ZNF556: variants seen among roughly 807,000 people sequenced by gnomAD.
The protein encoded by ZNF556 is zinc finger protein 556.
Under a neutral mutation model 13.6 loss-of-function variants are expected in ZNF556, and 11 were observed. That is an observed-to-expected ratio of 0.81 (90% CI 0.51 to 1.33). ZNF556 has a LOEUF of 1.33. ZNF556 is among the 40% of genes most tolerant of loss of function. ZNF556 has a pLI of 0.00. For missense variants in ZNF556, 633 were observed against 566.2 expected, an observed-to-expected ratio of 1.12 and a Z score of -1.20; for synonymous variants, 229 against 207.8, an observed-to-expected ratio of 1.10 and a Z score of -0.88.
intron 1 of ZNF556, among the ~76,000 whole-genome samples, chr19:2,872,662 G>A (rs2087813647): frequency 1.3e-5 from 2 of 151,960 alleles, no homozygotes. Flanking sequence ...GCACCTGGGT[G>A]GCTTGCTGCC....
intron 1 of ZNF556, 47 bp from the exon 2 acceptor site, chr19:2,873,449 T>C (rs1409414382): frequency 6.2e-7 from 1 of 1,605,866 alleles, no homozygotes. Context: ...TCCGCAGTGC[T>C]GTGAGTTTTA....
intron 1 of ZNF556, among the ~76,000 whole-genome samples, chr19:2,868,279 G>A (rs1054490779): frequency 6.6e-6 from 1 of 151,984 alleles, no homozygotes. Flanking sequence ...GACACGCCCC[G>A]AAATGAATAC....
intron 1 of ZNF556, among the ~76,000 whole-genome samples, chr19:2,872,181 T>C (rs1736197): frequency 0.66 from 100,048 of 150,608 alleles, 34,883 homozygotes; most frequent in African/African-American, 0.89. Flanking sequence ...GCCTGACTGA[T>C]GTCAGGCCCT....
chr19:2,873,749 T>C (rs1000433434), intron 2 of ZNF556, 127 bp downstream of exon 2: 17 of 1,159,658 alleles, frequency 1.5e-5, no homozygotes, highest in Middle Eastern at 3.0e-4. Context: ...AGGCTAGGAG[T>C]TGACAACCAG....
rs181457880 is a variant in ZNF556, at chr19:2,869,657, G to A, written c.3+2233G>A. On this transcript the variant is annotated intron_variant, in intron 1 of 3. Transcript: ENST00000307635. ...CTGGGATTAACAGGCGTGAGCCACC[G>A]CGCCCGGCCTAGATCTCCTCTTATG... Among the ~76,000 whole-genome samples, 1,104 of 152,228 alleles carry A rather than the reference G, an allele frequency of 7.3e-3. 15 individuals carry two copies. Among genetic ancestry groups the A allele is most frequent in the African/African-American group, 0.026 (1,063 of 41,550 alleles).
chr19:2,877,573 T>C lies in ZNF556; in HGVS notation c.615T>C (p.Cys205=), dbSNP rs2087865292. 10 of 1,614,052 alleles carry C rather than the reference T, an allele frequency of 6.2e-6. No individual in the cohort carries two copies. Among genetic ancestry groups the C allele is most frequent in the Non-Finnish European group, 8.5e-6 (10 of 1,180,044 alleles). Residue 205 remains cysteine, a synonymous_variant, in exon 4 of 4, where the codon TGT becomes TGC. Transcript: ENST00000307635. The part of the protein sequence containing the change: ...KTHSGEKPYA[C]QSCGKTFLRS... Reference sequence around the variant, plus strand: ...ACAGTGGAGAGAAACCCTATGCCTGTCAATCTTGCGGGAAGACATTTCTTC... The same window carrying C: ...ACAGTGGAGAGAAACCCTATGCCTGCCAATCTTGCGGGAAGACATTTCTTC...
At position 2,878,025 on chromosome 19, in the gene ZNF556, G is replaced by T. The variant is rs746710684; in HGVS notation, c.1067G>T (p.Arg356Leu). 1.2e-6 allele frequency: 2 copies of T among 1,613,874 alleles called. No homozygotes were observed. The highest frequency in any genetic ancestry group is 1.7e-6 in the Non-Finnish European group (2 of 1,179,962). Residue 356 changes from arginine (R) to leucine (L), a missense_variant, in exon 4 of 4, where the codon CGC becomes CTC. Coordinates refer to ENST00000307635, the MANE Select transcript of ZNF556 (RefSeq NM_024967.3). Reference protein sequence around the residue: ...GSVGKSSARPRPSTDVKSQTR... With the variant: ...GSVGKSSARPLPSTDVKSQTR... Reference sequence around the variant, plus strand: ...GTGGGAAAGTCTTCCGCGAGGCCTCGCCCCTCCACAGATGTCAAATCACAA... The same window carrying T: ...GTGGGAAAGTCTTCCGCGAGGCCTCTCCCCTCCACAGATGTCAAATCACAA...
chr19:2,868,031 A>C (rs187440501), intron 1 of ZNF556, among the ~76,000 whole-genome samples: 121 of 152,364 alleles, frequency 7.9e-4, no homozygotes, highest in African/African-American at 2.7e-3. Flanking sequence ...AAATATTTCC[A>C]AGGAGGTGAA....
rs1041796992 is a variant in ZNF556 at position 2,879,893 on chromosome 19, G to T, written c.*1564G>T. On this transcript the variant is annotated 3_prime_UTR_variant, in exon 4 of 4. Coordinates refer to ENST00000307635, the MANE Select transcript of ZNF556 (RefSeq NM_024967.3). ...AAAATACAAAAAATTAGCCAGGTGT[G>T]GTGGCGGGCGCCTGTAGTCCCAGCT... 1 of 152,004 alleles carries T rather than the reference G, an allele frequency of 6.6e-6. No homozygotes were observed. The highest frequency in any genetic ancestry group is 2.4e-5 in the African/African-American group (1 of 41,398). 9.4% of individuals were successfully genotyped at this position (152,004 alleles called of 1,614,324 possible).
rs578134338 is a variant in ZNF556, at chr19:2,874,226, T to C, written c.130+604T>C. On this transcript the variant is annotated intron_variant, in intron 2 of 3. Transcript: ENST00000307635. ...GAGCCAAGATCATGCCACTGCACTC[T>C]AGCCTGGGCCATAGAGTGAGACTCC... 2.8e-4 allele frequency among the ~76,000 whole-genome samples: 43 copies of C among 152,114 alleles called. No individual in the cohort carries two copies. The South Asian group carries it at 8.5e-3, about 30-fold the overall frequency.
chr19:2,876,576 G>C (rs940368838), intron 3 of ZNF556, among the ~76,000 whole-genome samples: 2 of 151,784 alleles, frequency 1.3e-5, no homozygotes, highest in Non-Finnish European at 2.9e-5. Context: ...AAAAATAGGC[G>C]TGGTGGCATG....
Position 2,880,262 on chromosome 19 carries a change from G to A in ZNF556, c.*1933G>A, listed in dbSNP as rs928114690. The A allele has an allele frequency of 6.6e-6, 1 of 152,066 alleles. No individual in the cohort carries two copies. Among genetic ancestry groups the A allele is most frequent in the Non-Finnish European group, 1.5e-5 (1 of 68,008 alleles). The allele number at this position is 152,066 out of a possible 1,614,324, so 9.4% of individuals were successfully genotyped here. On this transcript the variant is annotated 3_prime_UTR_variant, in exon 4 of 4. Coordinates refer to ENST00000307635, the MANE Select transcript of ZNF556 (RefSeq NM_024967.3). ...TTGATTATGTATTATTAAAACAAAA[G>A]TTTCTGTTTCTGAGAAATATCTATT...
Position 2,876,373 on chromosome 19 carries a change from T to C in ZNF556, c.314+97T>C, listed in dbSNP as rs916525105. The C allele has an allele frequency of 1.7e-5, 22 of 1,260,522 alleles. No homozygotes were observed. In the East Asian group the frequency reaches 1.8e-4, roughly 10 times the overall value. 78.1% of individuals were successfully genotyped at this position (1,260,522 alleles called of 1,614,324 possible). A position where few individuals can be genotyped will look rare whatever the true frequency, so the allele number is the denominator to read the frequency against. On this transcript the variant is annotated intron_variant, in intron 3 of 3. Coordinates refer to ENST00000307635, the MANE Select transcript of ZNF556 (RefSeq NM_024967.3). ...GGGAGGCCAAGGGAGGCGGATCACCTGGGGTGAGGAGTTTGTGACCAGCCT... is the reference window on the plus strand; with the variant it reads ...GGGAGGCCAAGGGAGGCGGATCACCCGGGGTGAGGAGTTTGTGACCAGCCT...
Position 2,878,986 on chromosome 19 carries a change from G to A in ZNF556, c.*657G>A, listed in dbSNP as rs549121331. ...TTTTATATATTTTTTTTGTTACTCC[G>A]TGTGAGGCCATTAGACCAATGAAAT... is the stretch of plus-strand genomic sequence containing the variant. On this transcript the variant is annotated 3_prime_UTR_variant, in exon 4 of 4. Coordinates refer to ENST00000307635, the MANE Select transcript of ZNF556 (RefSeq NM_024967.3). 5.3e-5 allele frequency: 8 copies of A among 151,956 alleles called. No individual in the cohort carries two copies. Among genetic ancestry groups the A allele is most frequent in the African/African-American group, 4.8e-5 (2 of 41,446 alleles). The allele number at this position is 151,956 out of a possible 1,614,324, so 9.4% of individuals were successfully genotyped here.
chr19:2,883,187 A>T lies in ZNF556; in HGVS notation c.*4858A>T, dbSNP rs915737492. ...AAAATCTATGGACGGTGAGAGAACTAGTCAAGGAATAACTGAAGTGAGCTG... is the reference window on the plus strand; with the variant it reads ...AAAATCTATGGACGGTGAGAGAACTTGTCAAGGAATAACTGAAGTGAGCTG... On this transcript the variant is annotated 3_prime_UTR_variant, in exon 4 of 4. Coordinates refer to ENST00000307635, the MANE Select transcript of ZNF556 (RefSeq NM_024967.3). The T allele has an allele frequency of 3.3e-5, 5 of 152,212 alleles. No individual in the cohort carries two copies. The highest frequency in any genetic ancestry group is 1.2e-4 in the African/African-American group (5 of 41,462). 9.4% of individuals were successfully genotyped at this position (152,212 alleles called of 1,614,324 possible).
Position 2,877,323 on chromosome 19 carries a change from G to C in ZNF556, c.365G>C (p.Arg122Pro). Residue 122 changes from arginine (R) to proline (P), a missense_variant, in exon 4 of 4, where the codon CGT (arginine) becomes CCT (proline). Arg to Pro is a moderately radical substitution (Grantham distance 103, BLOSUM62 -2). Coordinates refer to ENST00000307635, the MANE Select transcript of ZNF556 (RefSeq NM_024967.3). ...TGTAAAAGCAGTAAAGGTAATAAAC[G>C]TGGAAGAACCTTCAGAAAGACTCGA... is the stretch of plus-strand genomic sequence containing the variant. ...RPCKSSKGNKRGRTFRKTRNC... is the reference protein window; with the variant it reads ...RPCKSSKGNKPGRTFRKTRNC... The C allele has an allele frequency of 6.2e-7, 1 of 1,614,100 alleles. No homozygotes were observed. Among genetic ancestry groups the C allele is most frequent in the Non-Finnish European group, 8.5e-7 (1 of 1,179,988 alleles).
chr19:2,873,641 CT>C lies in ZNF556; in HGVS notation c.130+20del. 1 of 1,607,378 alleles carries C rather than the reference CT, an allele frequency of 6.2e-7. No homozygotes were observed. On this transcript the variant is annotated intron_variant, in intron 2 of 3. Transcript: ENST00000307635. The stretch of plus-strand genomic sequence containing the variant: ...TCAGTAGGTGAGGATAGCATTATTT[CT>C]GCACTTAGTTATTAGATAATAAATG...
rs1164086615 is a variant in ZNF556 at position 2,881,011 on chromosome 19, G to T, written c.*2682G>T. The T allele has an allele frequency of 1.3e-5, 2 of 150,970 alleles. No homozygotes were observed. The highest frequency in any genetic ancestry group is 2.9e-5 in the Non-Finnish European group (2 of 67,880). 9.4% of individuals were successfully genotyped at this position (150,970 alleles called of 1,614,324 possible). A position where few individuals can be genotyped will look rare whatever the true frequency, so the allele number is the denominator to read the frequency against. On this transcript the variant is annotated 3_prime_UTR_variant, in exon 4 of 4. Transcript: ENST00000307635. The stretch of plus-strand genomic sequence containing the variant: ...GCCTCCTGAAGAGCTGGGATTACAG[G>T]CACCCGCCACCACACCCGGCTAATT...
intron 1 of ZNF556, 132 bp downstream of exon 1, chr19:2,867,556 C>T (rs1170436264): frequency 1.0e-5 from 13 of 1,303,604 alleles, no homozygotes; most frequent in East Asian, 7.6e-5. Flanking sequence ...GTGTCACCCC[C>T]GGGTCCTGCG....
Sources: allele counts gnomAD v4.1 joint callset (sites outside exome capture counted in the v4.1 genomes callset), GRCh38; gene constraint gnomAD v4.1.1; transcripts MANE v1.5; gene names NCBI Gene and HGNC (gene_info 2026-07-23, HGNC 2026-07-21).